The following RAI1 variants were observed in gnomAD, a reference collection of about 807,000 sequenced individuals.
The protein encoded by RAI1 is retinoic acid induced 1, also known as retinoic acid-induced protein 1.
A neutral mutation model predicts 123.8 loss-of-function variants in RAI1; 9 were observed. That is an observed-to-expected ratio of 0.07 (90% confidence interval 0.04 to 0.13). The LOEUF (loss-of-function observed/expected upper bound fraction) is 0.13, where lower values mean the gene tolerates loss of function less well. RAI1 is among the 10% of genes least tolerant of loss of function. The pLI, the probability that RAI1 is intolerant of heterozygous loss-of-function variation, is 1.00. For missense variants in RAI1, 2,256 were observed against 2,545.8 expected, an observed-to-expected ratio of 0.89 and a Z score of 2.45; for synonymous variants, 1,231 against 1,127.3, an observed-to-expected ratio of 1.09 and a Z score of -1.84.
At chr17:17,698,496 C>A (rs1915108736) in intron 1 of RAI1, among the ~76,000 whole-genome samples, 1 of 152,238 alleles carries the variant, frequency 6.6e-6, no homozygotes, top group Non-Finnish European at 1.5e-5. Flanking sequence ...CCCCACACCC[C>A]TTTATATTGA....
intron 1 of RAI1, among the ~76,000 whole-genome samples, chr17:17,715,991 A>G (rs1915702439): frequency 6.6e-6 from 1 of 152,208 alleles, no homozygotes; most frequent in Non-Finnish European, 1.5e-5. Context: ...GGCGGGGGGA[A>G]TGGGTTTCCC....
rs895786420 is a variant in RAI1, at chr17:17,801,738, C to T, written c.5566-2018C>T. On this transcript the variant is annotated intron_variant, in intron 3 of 5. Coordinates refer to ENST00000353383, the MANE Select transcript of RAI1 (RefSeq NM_030665.4). The surrounding 1 kb of genome is among the most constrained non-coding windows in gnomAD (Gnocchi z 4.1). ...GGAGTGTTCTGACATTTCTCAGCTG[C>T]TGTGGTTGGGATGGTGCGCCCACCC... Among the ~76,000 whole-genome samples, 1 of 152,232 alleles carries T rather than the reference C, an allele frequency of 6.6e-6. No individual in the cohort carries two copies. The highest frequency in any genetic ancestry group is 2.4e-5 in the African/African-American group (1 of 41,462).
At chr17:17,753,463 C>T (rs1257038968) in intron 2 of RAI1, among the ~76,000 whole-genome samples, 2 of 152,222 alleles carry the variant, frequency 1.3e-5, no homozygotes, top group African/African-American at 4.8e-5. Context: ...CACGGTTATA[C>T]ATGGATAGCC....
At chr17:17,736,466 G>A (rs1454810354) in intron 2 of RAI1, among the ~76,000 whole-genome samples, 1 of 152,250 alleles carries the variant, frequency 6.6e-6, no homozygotes, top group African/African-American at 2.4e-5. Context: ...CGGGGAGGAG[G>A]CCCAGTCACT....
chr17:17,783,477 T>G (rs1173119067), intron 2 of RAI1, among the ~76,000 whole-genome samples: 4 of 151,742 alleles, frequency 2.6e-5, no homozygotes, highest in Admixed American at 6.6e-5. Flanking sequence ...GTCCTGCGGA[T>G]TTTCTCCGGC....
chr17:17,713,096 C>T (rs1915613826), intron 1 of RAI1, among the ~76,000 whole-genome samples: 1 of 152,140 alleles, frequency 6.6e-6, no homozygotes, highest in East Asian at 1.9e-4. Flanking sequence ...CATGAATATA[C>T]CAAAACCCTG....
chr17:17,749,104 G>A lies in RAI1; in HGVS notation c.-17+24945G>A, dbSNP rs374885288. On this transcript the variant is annotated intron_variant, in intron 2 of 5. Coordinates refer to ENST00000353383, the MANE Select transcript of RAI1 (RefSeq NM_030665.4). Reference sequence around the variant, plus strand: ...TGCAATACCCTTCACAACCATCCCCGTCCAGAAAGAGGCTGAATGGCGGCC... The same window carrying A: ...TGCAATACCCTTCACAACCATCCCCATCCAGAAAGAGGCTGAATGGCGGCC... 4.8e-4 allele frequency among the ~76,000 whole-genome samples: 73 copies of A among 152,178 alleles called. 1 individual carries two copies. Among genetic ancestry groups the A allele is most frequent in the African/African-American group, 1.7e-3 (69 of 41,434 alleles).
In RAI1 at chr17:17,797,226, C is replaced by G; in HGVS notation, c.4278C>G (p.Thr1426=). The change falls in exon 3 of 6, where the codon ACC becomes ACG. Residue 1426 remains threonine, a synonymous_variant. Transcript: ENST00000353383. ...TGTCTTCTACTGACTGTTTCAAAACCGAGGCCTTCACATCCCCGGAGGCCC... is the reference window on the plus strand; with the variant it reads ...TGTCTTCTACTGACTGTTTCAAAACGGAGGCCTTCACATCCCCGGAGGCCC... ...KKLSSTDCFK[T]EAFTSPEALQ... 1 of 1,613,690 alleles carries G rather than the reference C, an allele frequency of 6.2e-7. No homozygotes were observed. Among genetic ancestry groups the G allele is most frequent in the Non-Finnish European group, 8.5e-7 (1 of 1,180,042 alleles).
intron 2 of RAI1, among the ~76,000 whole-genome samples, chr17:17,772,013 C>T (rs532376044): frequency 1.3e-5 from 2 of 152,326 alleles, no homozygotes; most frequent in Admixed American, 1.3e-4. Context: ...TGCTGTGTGT[C>T]CCCTTGTCCT....
chr17:17,728,535 G>A (rs1037738938), intron 2 of RAI1, among the ~76,000 whole-genome samples: 1 of 152,204 alleles, frequency 6.6e-6, no homozygotes, highest in Non-Finnish European at 1.5e-5. Flanking sequence ...AGCCCACGGA[G>A]GGGAGCACAG....
Position 17,800,184 on chromosome 17 carries a change from C to CTCTCTGTCTCTCTG in RAI1, c.5565+1676_5565+1677insGTCTCTCTGTCTCT, listed in dbSNP as rs1444757863. 2.4e-5 allele frequency among the ~76,000 whole-genome samples: 1 copy of CTCTCTGTCTCTCTG among 41,110 alleles called. No individual in the cohort carries two copies. The highest frequency in any genetic ancestry group is 4.1e-5 in the Non-Finnish European group (1 of 24,196). 27.0% of individuals were successfully genotyped at this position (41,110 alleles called of 152,430 possible). On this transcript the variant is annotated intron_variant, in intron 3 of 5. Transcript: ENST00000353383. The surrounding 1 kb of genome is among the most constrained non-coding windows in gnomAD (Gnocchi z 4.7). ...TCCTGCTTTCTGTCTCTCTCTGTCT[C>CTCTCTGTCTCTCTG]TCTCTCTCTCTCTCTCTCTCTCTCT...
intron 2 of RAI1, among the ~76,000 whole-genome samples, chr17:17,757,674 G>A (rs1300003562): frequency 2.0e-5 from 3 of 152,152 alleles, no homozygotes; most frequent in African/African-American, 4.8e-5. Flanking sequence ...GTTAGGACTC[G>A]CATTTTGCCT....
intron 2 of RAI1, among the ~76,000 whole-genome samples, chr17:17,756,811 GGAGGAAGAGGGGCT>G (rs2030455799): frequency 6.6e-6 from 1 of 152,216 alleles, no homozygotes; most frequent in Non-Finnish European, 1.5e-5. Flanking sequence ...AAGTGGACGG[GGAGGAAGAGGGGCT>G]TCTGTGAAGG....
chr17:17,737,802 C>T (rs573222069), intron 2 of RAI1, among the ~76,000 whole-genome samples: 11 of 152,312 alleles, frequency 7.2e-5, no homozygotes, highest in African/African-American at 2.4e-4. Flanking sequence ...CCCCAGCCAC[C>T]TCCGCCTACT....
At chr17:17,798,649 C>T (rs530438129) in intron 3 of RAI1, 136 bp downstream of exon 3, 1 of 1,445,860 alleles carries the variant, frequency 6.9e-7, no homozygotes, top group East Asian at 2.5e-5. Flanking sequence ...TCTGCAGAGT[C>T]CTGAGCCTCT....
At chr17:17,682,979 ACT>A (rs1161051319) in intron 1 of RAI1, among the ~76,000 whole-genome samples, 3 of 151,584 alleles carry the variant, frequency 2.0e-5, no homozygotes, top group Non-Finnish European at 4.4e-5. Context: ...CGCGCCGCAC[ACT>A]CTCCCGCGCC....
intron 1 of RAI1, among the ~76,000 whole-genome samples, chr17:17,722,431 G>T (rs894361650): frequency 6.6e-6 from 1 of 152,204 alleles, no homozygotes; most frequent in African/African-American, 2.4e-5. Context: ...TGCCCCCAGG[G>T]CTCTGGAGCG....
Position 17,795,970 on chromosome 17 carries a change from C to T in RAI1, c.3022C>T (p.Pro1008Ser). ...LRSRRVHRGL[P>S]EAEDSPCRAP... ...GAGCCGTCGGGTGCACCGGGGGCTG[C>T]CCGAGGCCGAGGACTCCCCATGCAG... The change falls in exon 3 of 6, where the codon CCC becomes TCC. Residue 1008 changes from proline (P) to serine (S), a missense_variant. This residue lies in a region of RAI1 where 566 missense variants were observed against 616.0 expected (regional missense o/e 0.92). Transcript: ENST00000353383. This position sits in a 1 kb window ranked among gnomAD's most constrained non-coding sequence, Gnocchi z 5.9. The T allele has an allele frequency of 1.9e-6, 3 of 1,602,704 alleles. No homozygotes were observed. Among genetic ancestry groups the T allele is most frequent in the Non-Finnish European group, 1.7e-6 (2 of 1,176,972 alleles).
At chr17:17,701,639 G>A (rs1598021042) in intron 1 of RAI1, among the ~76,000 whole-genome samples, 1 of 152,198 alleles carries the variant, frequency 6.6e-6, no homozygotes, top group East Asian at 1.9e-4. Flanking sequence ...TTGTTGCCCA[G>A]GCTGGAGTGC....
Sources: gnomAD v4.1 joint callset for allele counts (sites outside exome capture counted in the v4.1 genomes callset) on GRCh38, gnomAD v4.1.1 for gene constraint, gnomAD v4.1.1 regional missense constraint, Gnocchi (gnomAD v3.1) non-coding constraint, MANE v1.5 for transcripts, NCBI Gene and HGNC (gene_info 2026-07-23, HGNC 2026-07-21) for gene names.